Variants in MROH2A observed in about 807,000 individuals in gnomAD.
MROH2A encodes the protein maestro heat-like repeat-containing protein family member 2A.
A neutral mutation model predicts 200.4 loss-of-function variants in MROH2A; 174 were observed. The observed-to-expected ratio is 0.87, with a 90% CI of 0.77 to 0.98. The LOEUF is 0.98. Ranked by LOEUF, MROH2A falls within the 50% of genes least tolerant of loss-of-function variation. MROH2A has a pLI of 0.00. For missense variants in MROH2A, 2,045 were observed against 2,139.6 expected (o/e 0.96, Z 0.87); for synonymous variants, 829 against 840.4 (o/e 0.99, Z 0.23).
At chr2:233,802,488 A>G in intron 15 of MROH2A, 173 bp downstream of exon 15, 1 of 709,170 alleles carries the variant, frequency 1.4e-6, no homozygotes, top group Non-Finnish European at 2.3e-6. Flanking sequence ...CTACCTGATC[A>G]TATCTAGGTC....
intron 7 of MROH2A, among the ~76,000 whole-genome samples, chr2:233,794,092 C>T (rs941895563): frequency 6.6e-6 from 1 of 152,192 alleles, no homozygotes; most frequent in Middle Eastern, 3.2e-3. Flanking sequence ...CAGCGTCTTA[C>T]CCATGGGAGC....
chr2:233,815,012 G>T (rs913323885), intron 26 of MROH2A, among the ~76,000 whole-genome samples: 1 of 152,112 alleles, frequency 6.6e-6, no homozygotes. Context: ...TCAAATTCAG[G>T]ACATTTAATG....
rs146567678 is a variant in MROH2A at position 233,821,513 on chromosome 2, A to G, written c.3513-611A>G. ...CTTGACCTTGTTAAATTACATTTAG[A>G]CTTGTTAGACTCACATTAGCCTTTT... On this transcript the variant is annotated intron_variant, in intron 31 of 41. Transcript: ENST00000389758. Among the ~76,000 whole-genome samples the G allele has an allele frequency of 3.6e-3, 550 of 152,264 alleles. 7 individuals carry two copies. Among genetic ancestry groups the G allele is most frequent in the African/African-American group, 0.012 (488 of 41,532 alleles).
intron 27 of MROH2A, among the ~76,000 whole-genome samples, chr2:233,817,578 A>G (rs1703624366): frequency 1.3e-5 from 2 of 152,216 alleles, no homozygotes; most frequent in African/African-American, 2.4e-5. Flanking sequence ...GGCTCTCATG[A>G]CATTCCCTGC....
intron 22 of MROH2A, 136 bp from the exon 23 acceptor site, chr2:233,810,658 C>G: frequency 4.4e-6 from 5 of 1,130,208 alleles, no homozygotes; most frequent in Non-Finnish European, 6.1e-6. Flanking sequence ...CAGAGTGAGG[C>G]TGGCCATCTC....
At chr2:233,803,624 G>A (rs1306538561) in intron 16 of MROH2A, 136 bp downstream of exon 16, 4 of 893,220 alleles carry the variant, frequency 4.5e-6, no homozygotes, top group East Asian at 2.7e-5. Flanking sequence ...ATGCTTGGCA[G>A]GACAGATCAT....
At chr2:233,795,921 T>C (rs750172434) in intron 9 of MROH2A, 46 bp from the exon 10 acceptor site, 11 of 1,542,392 alleles carry the variant, frequency 7.1e-6, no homozygotes, top group South Asian at 1.2e-5. Flanking sequence ...CCCCTGCACC[T>C]GTGTCCCTGT....
chr2:233,777,424 C>A (rs1325877085), upstream of MROH2A, among the ~76,000 whole-genome samples: 1 of 152,132 alleles, frequency 6.6e-6, no homozygotes, highest in African/African-American at 2.4e-5. Flanking sequence ...TGCAGAGGGG[C>A]AGTCCTGTGA....
chr2:233,827,444 C>T (rs1422234244), intron 35 of MROH2A, among the ~76,000 whole-genome samples: 3 of 152,184 alleles, frequency 2.0e-5, no homozygotes, highest in African/African-American at 7.2e-5. Context: ...AGCTGGAAGT[C>T]ATTATCCTCA....
rs1458768804 is a variant in MROH2A, at chr2:233,796,254, A to T, written c.1193A>T (p.Asn398Ile). 6.8e-7 allele frequency: 1 copy of T among 1,461,916 alleles called. No individual in the cohort carries two copies. Among genetic ancestry groups the T allele is most frequent in the East Asian group, 3.0e-5 (1 of 33,694 alleles). 90.6% of individuals were successfully genotyped at this position (1,461,916 alleles called of 1,614,324 possible). Reference protein sequence around the residue: ...MKFFFSQMETNKEAVRVGTLN... With the variant: ...MKFFFSQMETIKEAVRVGTLN... ...TTCTTCTTCAGCCAGATGGAGACAAACAAGGAGGCCGTCCGCGTGGGGACT... is the reference window on the plus strand; with the variant it reads ...TTCTTCTTCAGCCAGATGGAGACAATCAAGGAGGCCGTCCGCGTGGGGACT... The change falls in exon 11 of 42, where the codon AAC becomes ATC. Residue 398 changes from asparagine (N) to isoleucine (I), a missense_variant. Asn to Ile is a moderately radical substitution (Grantham distance 149). Around this residue, in one of 3 missense-constraint regions of MROH2A, gnomAD observed 831 missense variants for 800.0 expected, o/e 1.04. Transcript: ENST00000389758.
chr2:233,799,836 G>A lies in MROH2A; in HGVS notation c.1386G>A (p.Glu462=), dbSNP rs1345998081. 1.9e-6 allele frequency: 3 copies of A among 1,550,548 alleles called. No individual in the cohort carries two copies. Among genetic ancestry groups the A allele is most frequent in the East Asian group, 4.9e-5 (2 of 40,914 alleles). ...IGQLALCGYQ[E]RIKGWGLKYL... The stretch of plus-strand genomic sequence containing the variant: ...AGTTGGCTCTCTGTGGCTACCAGGA[G>A]AGAATCAAAGGCTGGGGCCTGAAGT... The change falls in exon 13 of 42, where the codon GAG becomes GAA. Residue 462 remains glutamate (E), a synonymous_variant. Transcript: ENST00000389758.
At position 233,807,226 on chromosome 2, in the gene MROH2A, T is replaced by C. The variant is rs960082947; in HGVS notation, c.2053-197T>C. Among the ~76,000 whole-genome samples the C allele has an allele frequency of 3.3e-5, 5 of 152,218 alleles. No individual in the cohort carries two copies. Among genetic ancestry groups the C allele is most frequent in the African/African-American group, 7.2e-5 (3 of 41,464 alleles). On this transcript the variant is annotated intron_variant, in intron 19 of 41. Transcript: ENST00000389758. The surrounding 1 kb of genome is among the most constrained non-coding windows in gnomAD (Gnocchi z 4.3). ...ATGTATGTATATATCAGTTTCTTTA[T>C]CCACTCATTGATTGATGGGCATTTG...
chr2:233,794,241 C>T (rs765057700), intron 7 of MROH2A, 122 bp from the exon 8 acceptor site: 1 of 732,530 alleles, frequency 1.4e-6, no homozygotes, highest in Non-Finnish European at 2.3e-6. Context: ...CAGGAAAGAC[C>T]TTGCTCTGCT....
chr2:233,775,725 G>C (rs1445776533), upstream of MROH2A: 1 of 152,188 alleles, frequency 6.6e-6, no homozygotes, highest in South Asian at 2.1e-4. Context: ...CTTGTGAGCC[G>C]GGCAGAATCC....
chr2:233,808,910 A>C (rs1702978183), intron 21 of MROH2A, among the ~76,000 whole-genome samples: 2 of 152,228 alleles, frequency 1.3e-5, no homozygotes, highest in Admixed American at 1.3e-4. Context: ...CTGCATGCCC[A>C]GTGCCTGGTG....
Position 233,809,147 on chromosome 2 carries a change from G to C in MROH2A, c.2317G>C (p.Glu773Gln). Residue 773 changes from glutamate to glutamine, a missense_variant, in exon 22 of 42, where the codon GAG (glutamate) becomes CAG (glutamine). Around this residue, in one of 3 missense-constraint regions of MROH2A, gnomAD observed 1,201 missense variants for 1,311.3 expected, o/e 0.92. Transcript: ENST00000389758. ...GTAGAAGGACCATCCCTGGAGGCGG[G>C]AGACAGTGAAAAGTGCCCTCATGGT... ...AWRKDHPWRR[E>Q]TVKSALMVMY... The C allele has an allele frequency of 1.3e-6, 2 of 1,550,102 alleles. No individual in the cohort carries two copies. Among genetic ancestry groups the C allele is most frequent in the Non-Finnish European group, 1.7e-6 (2 of 1,146,604 alleles).
rs1309775768 is a variant in MROH2A, at chr2:233,828,597, C to T, written c.4114-33C>T. On this transcript the variant is annotated intron_variant, in intron 35 of 41. Coordinates refer to ENST00000389758, the MANE Select transcript of MROH2A (RefSeq NM_001394639.1). The surrounding 1 kb of genome is among the most constrained non-coding windows in gnomAD (Gnocchi z 4.6). ...CTTGCTGCTGAGAAATGAGCCCGCC[C>T]TGGGGATAACTGCCCAATGTCCTCC... 7 of 1,544,838 alleles carry T rather than the reference C, an allele frequency of 4.5e-6. No individual in the cohort carries two copies. The South Asian group carries it at 8.3e-5, about 18-fold the overall frequency.
At chr2:233,804,974 C>T in intron 18 of MROH2A, 30 bp from the exon 19 acceptor site, 2 of 1,405,926 alleles carry the variant, frequency 1.4e-6, no homozygotes, top group South Asian at 2.5e-5. Flanking sequence ...GGCCTTTGGC[C>T]CTTCTCACCA....
In MROH2A at chr2:233,818,037, C is replaced by T. The variant is rs1473308024; in HGVS notation, c.2997C>T (p.Val999=). The change falls in exon 28 of 42, where the codon GTC becomes GTT. Residue 999 remains valine (V), a synonymous_variant. Transcript: ENST00000389758. The part of the protein sequence containing the change: ...HLKLGQFGTM[V]GLIAPCTCDA... Reference sequence around the variant, plus strand: ...AGCTGGGGCAGTTTGGCACAATGGTCGGACTCATTGCCCCGTGCACCTGTG... The same window carrying T: ...AGCTGGGGCAGTTTGGCACAATGGTTGGACTCATTGCCCCGTGCACCTGTG... 8.4e-6 allele frequency: 13 copies of T among 1,550,872 alleles called. No homozygotes were observed. Among genetic ancestry groups the T allele is most frequent in the African/African-American group, 2.7e-5 (2 of 73,050 alleles).
Sources: allele counts gnomAD v4.1 joint callset (sites outside exome capture counted in the v4.1 genomes callset), GRCh38; gene constraint gnomAD v4.1.1; regional missense constraint gnomAD v4.1.1; non-coding constraint Gnocchi (gnomAD v3.1); transcripts MANE v1.5; gene names NCBI Gene and HGNC (gene_info 2026-07-23, HGNC 2026-07-21).